LMO2: variants seen among roughly 807,000 people sequenced by gnomAD.
LMO2 encodes the protein LIM domain only 2, also known as rhombotin-2.
LMO2 carries 20 observed loss-of-function variants against 23.2 expected under a neutral mutation model. The observed-to-expected ratio is 0.86, with a 90% CI of 0.61 to 1.25. LMO2 has a LOEUF of 1.25. LMO2 is among the 50% of genes most tolerant of loss of function. LMO2 has a pLI of 0.00. For missense variants in LMO2, 270 were observed against 315.3 expected, an observed-to-expected ratio of 0.86 and a Z score of 1.09; for synonymous variants, 123 against 130.2, an observed-to-expected ratio of 0.94 and a Z score of 0.38.
intron 1 of LMO2, among the ~76,000 whole-genome samples, chr11:33,884,835 G>C (rs539859766): frequency 6.6e-6 from 1 of 152,326 alleles, no homozygotes; most frequent in South Asian, 2.1e-4. Flanking sequence ...ATATCATCTG[G>C]AGCTAGTCTC....
intron 5 of LMO2, among the ~76,000 whole-genome samples, chr11:33,863,212 G>A (rs1449933241): frequency 7.6e-6 from 1 of 130,886 alleles, no homozygotes; most frequent in East Asian, 2.2e-4. Flanking sequence ...ATTTATCCAA[G>A]TTCTATTTTC....
At position 33,859,127 on chromosome 11, in the gene LMO2, T is replaced by C. The variant is rs1856470025; in HGVS notation, c.*229A>G. ...CATGTCAGTTACTATGGATGGGCTG[T>C]GGCCATAAGTTCTCCCTCAAGGGCT... On this transcript the variant is annotated 3_prime_UTR_variant, in exon 6 of 6. Coordinates refer to ENST00000257818, the MANE Select transcript of LMO2 (RefSeq NM_005574.4). 4 of 516,556 alleles carry C rather than the reference T, an allele frequency of 7.7e-6. No individual in the cohort carries two copies. Among genetic ancestry groups the C allele is most frequent in the Non-Finnish European group, 1.4e-5 (4 of 283,930 alleles). The allele number at this position is 516,556 out of a possible 1,614,324, so 32.0% of individuals were successfully genotyped here.
chr11:33,870,800 G>A (rs1856999226), intron 2 of LMO2, among the ~76,000 whole-genome samples: 1 of 152,132 alleles, frequency 6.6e-6, no homozygotes, highest in Admixed American at 6.5e-5. Context: ...TTTTGCCCTG[G>A]GTCAGGCACA....
chr11:33,883,537 G>A (rs1857335078), intron 1 of LMO2, among the ~76,000 whole-genome samples: 3 of 152,118 alleles, frequency 2.0e-5, no homozygotes, highest in Non-Finnish European at 4.4e-5. Context: ...AGAAATCCAT[G>A]GTCAACAGTG....
chr11:33,888,768 C>T (rs1428051497), intron 1 of LMO2, among the ~76,000 whole-genome samples: 1 of 152,214 alleles, frequency 6.6e-6, no homozygotes, highest in Non-Finnish European at 1.5e-5. Flanking sequence ...TTGTAAGCCC[C>T]TTTCAGGCAA....
At chr11:33,866,620 G>A (rs1308699924) in intron 4 of LMO2, among the ~76,000 whole-genome samples, 2 of 152,138 alleles carry the variant, frequency 1.3e-5, no homozygotes, top group African/African-American at 4.8e-5. Flanking sequence ...TGAGACCCTA[G>A]CTCAAAAAAA....
chr11:33,889,929 G>GTA (rs1439689936), intron 1 of LMO2, among the ~76,000 whole-genome samples: 3 of 152,144 alleles, frequency 2.0e-5, no homozygotes, highest in Non-Finnish European at 2.9e-5. Flanking sequence ...TAAAACTGTG[G>GTA]TGTATATATA....
chr11:33,874,630 C>T (rs1857094648), intron 2 of LMO2, among the ~76,000 whole-genome samples: 1 of 152,238 alleles, frequency 6.6e-6, no homozygotes, highest in Non-Finnish European at 1.5e-5. Context: ...CAACAATCTC[C>T]CAGCCAATCA....
intron 1 of LMO2, among the ~76,000 whole-genome samples, chr11:33,890,986 T>C (rs1168135479): frequency 6.6e-6 from 1 of 152,202 alleles, no homozygotes; most frequent in Non-Finnish European, 1.5e-5. Flanking sequence ...GGGTTGGTTT[T>C]CTTTAAGCTG....
intron 2 of LMO2, among the ~76,000 whole-genome samples, chr11:33,871,388 C>T (rs11606849): frequency 0.21 from 31,032 of 151,298 alleles, 3,221 homozygotes; most frequent in South Asian, 0.29. Flanking sequence ...AGTGAGACCC[C>T]GTTTCTACAA....
intron 1 of LMO2, among the ~76,000 whole-genome samples, chr11:33,886,808 G>A (rs1012971674): frequency 2.6e-5 from 4 of 152,108 alleles, no homozygotes; most frequent in Non-Finnish European, 4.4e-5. Context: ...TCAGTCCAGG[G>A]GCCAATATTC....
intron 2 of LMO2, 83 bp from the exon 3 acceptor site, chr11:33,870,070 CTTTTT>C (rs10608793): frequency 1.3e-3 from 319 of 238,088 alleles, no homozygotes; most frequent in Middle Eastern, 2.0e-3. Context: ...TTTTTTCTTC[CTTTTT>C]TTTTTTTTTT....
At chr11:33,884,897 A>G (rs1173031922) in intron 1 of LMO2, among the ~76,000 whole-genome samples, 1 of 152,174 alleles carries the variant, frequency 6.6e-6, no homozygotes, top group Admixed American at 6.5e-5. Context: ...GAAAGCTTCC[A>G]GTGCTGCTGT....
rs1856450411 is a variant in LMO2 at position 33,858,666 on chromosome 11, T to G, written c.*690A>C. 5.2e-6 allele frequency: 1 copy of G among 191,000 alleles called. No homozygotes were observed. Among genetic ancestry groups the G allele is most frequent in the Non-Finnish European group, 1.1e-5 (1 of 91,222 alleles). The allele number at this position is 191,000 out of a possible 1,614,324, so 11.8% of individuals were successfully genotyped here. On this transcript the variant is annotated 3_prime_UTR_variant, in exon 6 of 6. Coordinates refer to ENST00000257818, the MANE Select transcript of LMO2 (RefSeq NM_005574.4). ...GATATAATCTAGGATAATAAAATAG[T>G]TGAACAACTTTTTAAGATTTATATT...
chr11:33,861,384 C>T (rs927939893), intron 5 of LMO2, among the ~76,000 whole-genome samples: 3 of 152,088 alleles, frequency 2.0e-5, no homozygotes, highest in African/African-American at 7.2e-5. Context: ...AATATTTGGG[C>T]GAGATTAATG....
chr11:33,871,541 C>G (rs34329298), intron 2 of LMO2, among the ~76,000 whole-genome samples: 1 of 114,284 alleles, frequency 8.8e-6, no homozygotes, highest in African/African-American at 3.5e-5. Context: ...GCCCCCCAGT[C>G]TGGGGAACAG....
intron 1 of LMO2, among the ~76,000 whole-genome samples, chr11:33,885,959 T>G (rs2133717404): frequency 6.6e-6 from 1 of 152,204 alleles, no homozygotes; most frequent in South Asian, 2.1e-4. Context: ...CATTGCAGCC[T>G]CTGCCTCCCA....
chr11:33,869,223 G>C (rs919586894), intron 4 of LMO2, 123 bp downstream of exon 4: 1 of 624,428 alleles, frequency 1.6e-6, no homozygotes, highest in East Asian at 6.7e-5. Context: ...CGGCACAGGG[G>C]GCCAAGGGCA....
intron 2 of LMO2, among the ~76,000 whole-genome samples, chr11:33,873,753 GA>G (rs35763608): frequency 0.035 from 5,322 of 152,214 alleles, 254 homozygotes; most frequent in African/African-American, 0.1. Context: ...AATGCTAGAA[GA>G]AGAATGAATC....
Sources: gnomAD v4.1 joint callset for allele counts (sites outside exome capture counted in the v4.1 genomes callset) on GRCh38, gnomAD v4.1.1 for gene constraint, MANE v1.5 for transcripts, NCBI Gene and HGNC (gene_info 2026-07-23, HGNC 2026-07-21) for gene names.